Variants in TALDO1 observed in about 807,000 individuals in gnomAD.
TALDO1 encodes the protein transaldolase 1.
A neutral mutation model predicts 38.1 loss-of-function variants in TALDO1; 29 were observed. That is an observed-to-expected ratio of 0.76 (90% confidence interval 0.57 to 1.04). TALDO1 has a LOEUF of 1.04. TALDO1 is among the 50% of genes least tolerant of loss of function. The pLI, the probability that TALDO1 is intolerant of heterozygous loss-of-function variation, is 0.00. For missense variants in TALDO1, 499 were observed against 438.1 expected (o/e 1.14, Z -1.24); for synonymous variants, 207 against 176.8 (o/e 1.17, Z -1.36).
rs1312952307 is a variant in TALDO1, at chr11:763,426, G to T, written c.544G>T (p.Gly182Cys). Residue 182 changes from glycine (G) to cysteine (C), a missense_variant, in exon 5 of 8, where the codon GGT becomes TGT. Physicochemically the swap from Gly to Cys is radical, Grantham distance 159. Transcript: ENST00000319006. ...CCAGGCTGTGGCCTGTGCCGAGGCG[G>T]GTGTGACCCTCATCTCCCCATTTGT... is the stretch of plus-strand genomic sequence containing the variant. ...FAQAVACAEA[G>C]VTLISPFVGR... The T allele has an allele frequency of 1.9e-6, 3 of 1,613,314 alleles. No individual in the cohort carries two copies. Among genetic ancestry groups the T allele is most frequent in the Non-Finnish European group, 2.5e-6 (3 of 1,179,866 alleles).
rs1477220792 is a variant in TALDO1 at position 764,796 on chromosome 11, GCT to G, written c.982-14_982-13del. 25 of 1,614,052 alleles carry G rather than the reference GCT, an allele frequency of 1.5e-5. No individual in the cohort carries two copies. Among genetic ancestry groups the G allele is most frequent in the East Asian group, 2.2e-5 (1 of 44,892 alleles). On this transcript the variant is annotated splice_polypyrimidine_tract_variant and intron_variant, in intron 7 of 7. Transcript: ENST00000319006. ...GGTAGGGTGGGGAGACACAGCTCGT[GCT>G]CTGTTTGTTTCTAGGAACGAATGTT...
Position 754,637 on chromosome 11 carries a change from C to A in TALDO1, c.98-1242C>A, listed in dbSNP as rs370223397. Among the ~76,000 whole-genome samples, 29 of 151,394 alleles carry A rather than the reference C, an allele frequency of 1.9e-4. No homozygotes were observed. The East Asian group carries it at 4.7e-3, about 24-fold the overall frequency. ...CGGGCATGTGTCACCACACCCAGCT[C>A]ATTTTTGTATTTTTAGTAGAGACTG... is the stretch of plus-strand genomic sequence containing the variant. On this transcript the variant is annotated intron_variant, in intron 1 of 7. Transcript: ENST00000319006.
intron 3 of TALDO1, among the ~76,000 whole-genome samples, chr11:759,505 C>T (rs1862896185): frequency 2.0e-5 from 3 of 152,134 alleles, no homozygotes; most frequent in African/African-American, 7.2e-5. Flanking sequence ...CATGATCCAC[C>T]TGCCTCGGCC....
chr11:764,836 TG>T lies in TALDO1; in HGVS notation c.1007del (p.Gly336GlufsTer26). ...LTERMFNAEN[G>X]K The stretch of plus-strand genomic sequence containing the variant: ...AGGAACGAATGTTCAATGCAGAGAA[TG>T]GAAAGTAGCGCATCCCTGAGGCTGG... On this transcript the variant is annotated frameshift_variant, in exon 8 of 8. Coordinates refer to ENST00000319006, the MANE Select transcript of TALDO1 (RefSeq NM_006755.2). LOFTEE classifies it high-confidence loss of function. 2 of 1,614,128 alleles carry T rather than the reference TG, an allele frequency of 1.2e-6. No homozygotes were observed. The highest frequency in any genetic ancestry group is 1.7e-6 in the Non-Finnish European group (2 of 1,180,042).
intron 1 of TALDO1, 108 bp downstream of exon 1, chr11:747,686 C>T (rs776382763): frequency 1.1e-5 from 11 of 991,636 alleles, no homozygotes; most frequent in African/African-American, 1.7e-5. Context: ...TGGCGGTGCC[C>T]CGGGCGGCTC....
At chr11:764,523 T>C in intron 7 of TALDO1, 90 bp downstream of exon 7, 3 of 1,556,310 alleles carry the variant, frequency 1.9e-6, no homozygotes, top group Non-Finnish European at 1.7e-6. Context: ...GAGTTAAAAC[T>C]TTGGTGAGAC....
intron 1 of TALDO1, among the ~76,000 whole-genome samples, chr11:750,965 T>G (rs1205353209): frequency 6.6e-6 from 1 of 152,228 alleles, no homozygotes; most frequent in Non-Finnish European, 1.5e-5. Flanking sequence ...CCTCGTTGGC[T>G]TCTTTGAATT....
At chr11:758,870 G>C in intron 2 of TALDO1, 80 bp from the exon 3 acceptor site, 1 of 1,134,506 alleles carries the variant, frequency 8.8e-7, no homozygotes, top group Admixed American at 1.8e-5. Context: ...CTCCCAAAGT[G>C]CTGGGATTAC....
chr11:763,845 G>T lies in TALDO1; in HGVS notation c.736G>T (p.Ala246Ser). 2 of 1,614,024 alleles carry T rather than the reference G, an allele frequency of 1.2e-6. No homozygotes were observed. Among genetic ancestry groups the T allele is most frequent in the Non-Finnish European group, 1.7e-6 (2 of 1,180,022 alleles). Residue 246 changes from alanine to serine, a missense_variant, in exon 6 of 8, where the codon GCA (alanine) becomes TCA (serine). By Grantham distance (99) the Ala-to-Ser change is moderately conservative. Transcript: ENST00000319006. ...CTTCCGCAACACGGGCGAGATCAAA[G>T]CACTGGCCGGCTGTGACTTCCTCAC... ...ASFRNTGEIK[A>S]LAGCDFLTIS...
intron 2 of TALDO1, 58 bp downstream of exon 2, chr11:756,060 T>C: frequency 3.2e-6 from 5 of 1,576,062 alleles, no homozygotes; most frequent in Non-Finnish European, 4.3e-6. Context: ...CTAGTTGGCC[T>C]TGCTTCCCTC....
chr11:753,394 A>G (rs1013407308), intron 1 of TALDO1, among the ~76,000 whole-genome samples: 2 of 152,010 alleles, frequency 1.3e-5, no homozygotes, highest in Non-Finnish European at 2.9e-5. Flanking sequence ...AGCCGGCCGC[A>G]GTGGCGGGCG....
intron 7 of TALDO1, 45 bp from the exon 8 acceptor site, chr11:764,768 G>C (rs4083369): frequency 6.2e-7 from 1 of 1,614,134 alleles, no homozygotes. Context: ...TCAAGGTGCA[G>C]AAGGTAGGGT....
intron 4 of TALDO1, among the ~76,000 whole-genome samples, chr11:762,934 G>T (rs1862964271): frequency 6.6e-6 from 1 of 152,186 alleles, no homozygotes; most frequent in Admixed American, 6.5e-5. Flanking sequence ...CTGAGCCCTG[G>T]TGAGTTCTGG....
chr11:763,886 C>T lies in TALDO1; in HGVS notation c.777C>T (p.Leu259=), dbSNP rs1393681672. Residue 259 remains leucine, a synonymous_variant, in exon 6 of 8, where the codon CTC becomes CTT. Coordinates refer to ENST00000319006, the MANE Select transcript of TALDO1 (RefSeq NM_006755.2). ...ACTTCCTCACCATCTCACCCAAGCTCCTGGGAGAGCTGCTGCAGGACAACG... is the reference window on the plus strand; with the variant it reads ...ACTTCCTCACCATCTCACCCAAGCTTCTGGGAGAGCTGCTGCAGGACAACG... ...GCDFLTISPK[L]LGELLQDNAK... The T allele has an allele frequency of 5.0e-6, 8 of 1,613,390 alleles. No homozygotes were observed. Among genetic ancestry groups the T allele is most frequent in the Non-Finnish European group, 5.9e-6 (7 of 1,180,022 alleles).
intron 1 of TALDO1, 141 bp downstream of exon 1, chr11:747,719 G>A (rs1285869315): frequency 4.9e-5 from 36 of 728,026 alleles, no homozygotes; most frequent in Non-Finnish European, 7.3e-5. Flanking sequence ...ATGAGCGCAG[G>A]TGCCGGATGT....
rs72844779 is a variant in TALDO1 at position 764,925 on chromosome 11, C to G, written c.*80C>G. The stretch of plus-strand genomic sequence containing the variant: ...TGCACGTGGCTTCTGATGAATCTTG[C>G]GTTTTTTACAAATTGGAGCAGGGAC... On this transcript the variant is annotated 3_prime_UTR_variant, in exon 8 of 8. Coordinates refer to ENST00000319006, the MANE Select transcript of TALDO1 (RefSeq NM_006755.2). The G allele has an allele frequency of 6.3e-7, 1 of 1,590,516 alleles. No individual in the cohort carries two copies. The highest frequency in any genetic ancestry group is 8.6e-7 in the Non-Finnish European group (1 of 1,160,196).
chr11:754,339 A>AAAG (rs1161618548), intron 1 of TALDO1, among the ~76,000 whole-genome samples: 1 of 152,170 alleles, frequency 6.6e-6, no homozygotes, highest in African/African-American at 2.4e-5. Flanking sequence ...CAGCTTTATA[A>AAAG]AAGGGACCAC....
intron 4 of TALDO1, among the ~76,000 whole-genome samples, chr11:761,517 CAT>C (rs1311187782): frequency 1.3e-5 from 2 of 152,154 alleles, no homozygotes; most frequent in East Asian, 1.9e-4. Context: ...CCAAACCAAA[CAT>C]ATGTACGTTC....
At position 759,037 on chromosome 11, in the gene TALDO1, A is replaced by G. The variant is rs769273951; in HGVS notation, c.309A>G (p.Val103=). The G allele has an allele frequency of 2.5e-6, 4 of 1,612,666 alleles. No individual in the cohort carries two copies. The highest frequency in any genetic ancestry group is 3.4e-6 in the Non-Finnish European group (4 of 1,179,012). The change falls in exon 3 of 8, where the codon GTA becomes GTG. Residue 103 remains valine, a synonymous_variant. Transcript: ENST00000319006. ...TACTAAAGAAGATTCCGGGCCGAGT[A>G]TCCACAGAAGTAGACGCAAGGTAAG... ...AEILKKIPGR[V]STEVDARLSF...
Sources: gnomAD v4.1 joint callset for allele counts (sites outside exome capture counted in the v4.1 genomes callset) on GRCh38, gnomAD v4.1.1 for gene constraint, MANE v1.5 for transcripts, NCBI Gene and HGNC (gene_info 2026-07-23, HGNC 2026-07-21) for gene names.